The following CFAP47 variants were observed in gnomAD, a reference collection of about 807,000 sequenced individuals.
CFAP47 encodes cilia and flagella associated protein 47.
In CFAP47, 29 loss-of-function variants were observed where a neutral mutation model predicts 148.1. That is an observed-to-expected ratio of 0.20 (90% confidence interval 0.15 to 0.27). The LOEUF (loss-of-function observed/expected upper bound fraction) is 0.27, where lower values mean the gene tolerates loss of function less well. CFAP47 is among the 10% of genes least tolerant of loss of function. The probability of loss-of-function intolerance (pLI) is 1.00; values close to 1 mark genes in which losing one functional copy is unlikely to be tolerated. For missense variants in CFAP47, 1,872 were observed against 1,697.5 expected (o/e 1.10, Z -1.81); for synonymous variants, 664 against 577.3 (o/e 1.15, Z -2.15).
chrX:36,170,373 T>G (rs1939553438), intron 39 of CFAP47, among the ~76,000 whole-genome samples: 1 of 111,145 alleles, frequency 9.0e-6, no homozygotes, highest in Non-Finnish European at 1.9e-5. Context: ...ATGATACATG[T>G]GCCATGCTGG....
intron 39 of CFAP47, among the ~76,000 whole-genome samples, chrX:36,161,318 G>A (rs1267570927): frequency 4.5e-5 from 5 of 111,325 alleles, no homozygotes; most frequent in African/African-American, 1.3e-4. Flanking sequence ...GTTGTTTGTT[G>A]AAATTCAGTG....
chrX:36,292,089 G>A (rs1284832473), intron 51 of CFAP47, among the ~76,000 whole-genome samples: 3 of 111,111 alleles, frequency 2.7e-5, no homozygotes, highest in African/African-American at 6.6e-5. Context: ...ACTCCCAGGT[G>A]CCTATTAATG....
In CFAP47 at chrX:36,200,652, C is replaced by A. The variant is rs182699032; in HGVS notation, c.6436+159C>A. Among the ~76,000 whole-genome samples the A allele has an allele frequency of 1.2e-4, 13 of 111,855 alleles. No homozygotes were observed. The East Asian group carries it at 2.0e-3, about 17-fold the overall frequency. On this transcript the variant is annotated intron_variant, in intron 43 of 63. Coordinates refer to ENST00000378653, the MANE Select transcript of CFAP47 (RefSeq NM_001304548.2). Reference sequence around the variant, plus strand: ...TTATGTCAGTATCCATGAAATAGAGCAGCACCATTTTACCAATTAAAAAAT... The same window carrying A: ...TTATGTCAGTATCCATGAAATAGAGAAGCACCATTTTACCAATTAAAAAAT...
intron 49 of CFAP47, among the ~76,000 whole-genome samples, chrX:36,269,132 G>A (rs1355860173): frequency 8.9e-6 from 1 of 111,931 alleles, no homozygotes; most frequent in Non-Finnish European, 1.9e-5. Context: ...TGGATAAGGA[G>A]CGAAAGATAC....
intron 39 of CFAP47, among the ~76,000 whole-genome samples, chrX:36,167,349 G>A (rs979715991): frequency 9.0e-6 from 1 of 111,651 alleles, no homozygotes; most frequent in Non-Finnish European, 1.9e-5. Context: ...TAGGGGTGGG[G>A]ACAATGGTGC....
intron 2 of CFAP47, among the ~76,000 whole-genome samples, chrX:35,935,019 G>A (rs1935888849): frequency 9.0e-6 from 1 of 110,916 alleles, no homozygotes; most frequent in Admixed American, 9.6e-5. Context: ...GAGCTATGCA[G>A]CCTGGAGTTG....
intron 29 of CFAP47, among the ~76,000 whole-genome samples, chrX:36,083,821 G>T (rs1016456524): frequency 9.1e-6 from 1 of 110,413 alleles, no homozygotes; most frequent in Non-Finnish European, 1.9e-5. Flanking sequence ...ACTATATATA[G>T]GCAACTATGG....
At chrX:35,954,292 C>CT (rs1936212341) in intron 7 of CFAP47, among the ~76,000 whole-genome samples, 1 of 110,533 alleles carries the variant, frequency 9.0e-6, no homozygotes, top group African/African-American at 3.3e-5. Flanking sequence ...TGGAGTTCAG[C>CT]TTAGCAAGAC....
chrX:36,067,680 G>C (rs1208213741), intron 27 of CFAP47, among the ~76,000 whole-genome samples: 3 of 95,800 alleles, frequency 3.1e-5, no homozygotes, highest in African/African-American at 1.2e-4. Flanking sequence ...TTTTTTTCTT[G>C]GAGATGGAGT....
At chrX:36,083,744 A>C (rs1173199490) in intron 29 of CFAP47, among the ~76,000 whole-genome samples, 1 of 111,548 alleles carries the variant, frequency 9.0e-6, no homozygotes, top group Non-Finnish European at 1.9e-5. Flanking sequence ...GGATTCTCAT[A>C]ATTGAAAAAT....
rs777814934 is a variant in CFAP47, at chrX:35,941,409, C to T, written c.517+11C>T. On this transcript the variant is annotated intron_variant, in intron 3 of 63. Transcript: ENST00000378653. The stretch of plus-strand genomic sequence containing the variant: ...ATGGCAAAGCTCCAGGTAAATCCTT[C>T]CTGTCATATTTACTTACACTTTTAG... 4 of 901,713 alleles carry T rather than the reference C, an allele frequency of 4.4e-6. No individual in the cohort carries two copies. The highest frequency in any genetic ancestry group is 2.1e-5 in the African/African-American group (1 of 48,348). The allele number at this position is 901,713 out of a possible 1,213,427, so 74.3% of individuals were successfully genotyped here. A position where few individuals can be genotyped will look rare whatever the true frequency, so the allele number is the denominator to read the frequency against.
chrX:36,183,268 G>A (rs1939770993), intron 40 of CFAP47, among the ~76,000 whole-genome samples: 1 of 111,053 alleles, frequency 9.0e-6, no homozygotes, highest in Non-Finnish European at 1.9e-5. Flanking sequence ...GCAGTGAGAT[G>A]AGATTGCGCC....
In CFAP47 at chrX:36,073,166, A is replaced by T; in HGVS notation, c.4493A>T (p.His1498Leu). ...GTGGAAGTACTGCCTGAAAATTTGC[A>T]CTTGGATGAAAGTGAAACATCAGAG... ...IGVEVLPENL[H>L]LDESETSEED... The change falls in exon 29 of 64, where the codon CAC becomes CTC. Residue 1498 changes from histidine to leucine, a missense_variant. Coordinates refer to ENST00000378653, the MANE Select transcript of CFAP47 (RefSeq NM_001304548.2). 1 of 1,209,633 alleles carries T rather than the reference A, an allele frequency of 8.3e-7. No individual in the cohort carries two copies. The highest frequency in any genetic ancestry group is 1.7e-5 in the African/African-American group (1 of 57,715).
At chrX:36,346,321 A>G (rs782404544) in intron 57 of CFAP47, among the ~76,000 whole-genome samples, 2 of 111,042 alleles carry the variant, frequency 1.8e-5, no homozygotes, top group Non-Finnish European at 3.8e-5. Context: ...CTCAGCCTAA[A>G]TAAATCAGAA....
At chrX:36,102,160 A>G (rs912041505) in intron 32 of CFAP47, among the ~76,000 whole-genome samples, 3 of 111,684 alleles carry the variant, frequency 2.7e-5, no homozygotes, top group African/African-American at 9.8e-5. Flanking sequence ...ATTCGAAACA[A>G]TGTTTTCTGA....
chrX:36,201,846 G>C (rs1182526655), intron 44 of CFAP47, among the ~76,000 whole-genome samples: 1 of 110,313 alleles, frequency 9.1e-6, no homozygotes, highest in African/African-American at 3.3e-5. Context: ...TCACTAGGAG[G>C]GGGTGGGTAG....
Position 35,956,007 on chromosome X carries a change from T to A in CFAP47, c.1221T>A (p.Leu407=). The A allele has an allele frequency of 1.6e-6, 2 of 1,212,189 alleles. No homozygotes were observed. Among genetic ancestry groups the A allele is most frequent in the Non-Finnish European group, 2.2e-6 (2 of 895,617 alleles). Residue 407 remains leucine (L), a synonymous_variant, in exon 8 of 64, where the codon CTT becomes CTA. Transcript: ENST00000378653. ...AATTAGCACTGACAGGCACAGGACT[T>A]CCTGTTTTACTACAGTTTGATCCAG... ...KVELALTGTG[L]PVLLQFDPGP... is the part of the protein sequence containing the mutation.
chrX:35,929,190 A>G (rs1229360482), intron 2 of CFAP47, among the ~76,000 whole-genome samples: 1 of 111,718 alleles, frequency 9.0e-6, no homozygotes, highest in Non-Finnish European at 1.9e-5. Flanking sequence ...CAAAAAAAAA[A>G]TAACTTGCTG....
chrX:36,321,856 G>A (rs782678998), intron 57 of CFAP47, among the ~76,000 whole-genome samples: 8 of 111,546 alleles, frequency 7.2e-5, no homozygotes, highest in Non-Finnish European at 1.3e-4. Context: ...TTAAATACGT[G>A]AGCCATTTTC....
Sources: gnomAD v4.1 joint callset for allele counts (sites outside exome capture counted in the v4.1 genomes callset) on GRCh38, gnomAD v4.1.1 for gene constraint, MANE v1.5 for transcripts, NCBI Gene and HGNC (gene_info 2026-07-23, HGNC 2026-07-21) for gene names.